Variants in NEK2 observed in about 807,000 individuals in gnomAD.
The protein encoded by NEK2 is serine/threonine-protein kinase Nek2.
NEK2 carries 28 observed loss-of-function variants against 54.1 expected under a neutral mutation model. The ratio of observed to expected loss-of-function variants is 0.52; its 90% confidence interval spans 0.38 to 0.71. The LOEUF is 0.71. NEK2 is among the 30% of genes least tolerant of loss of function. The pLI, the probability that NEK2 is intolerant of heterozygous loss-of-function variation, is 0.00. For missense variants in NEK2, 407 were observed against 531.5 expected (o/e 0.77, Z 2.30); for synonymous variants, 176 against 193.1 (o/e 0.91, Z 0.73).
At position 211,670,437 on chromosome 1, in the gene NEK2, G is replaced by A. The variant is rs201343116; in HGVS notation, c.639-30C>T. 647 of 1,588,588 alleles carry A rather than the reference G, an allele frequency of 4.1e-4. 6 individuals carry two copies. Among genetic ancestry groups the A allele is most frequent in the Non-Finnish European group, 9.6e-5 (112 of 1,170,498 alleles). ...GGTTAAAAAAGAAGAAGAAGACGAC[G>A]AAGACATTTTCAAATTGTAAAAATG... On this transcript the variant is annotated intron_variant, in intron 4 of 7. Transcript: ENST00000366999.
rs144369537 is a variant in NEK2, at chr1:211,670,134, T to G, written c.765+147A>C. 6.3e-6 allele frequency: 5 copies of G among 792,982 alleles called. No homozygotes were observed. In the African/African-American group the frequency reaches 7.1e-5, roughly 11 times the overall value. 49.1% of individuals were successfully genotyped at this position (792,982 alleles called of 1,614,324 possible). On this transcript the variant is annotated intron_variant, in intron 5 of 7. Transcript: ENST00000366999. ...ATGTGCAATTTGCCAAATTTACATA[T>G]GTTTTCACTTGTGTTAACACAGTAA...
At chr1:211,667,552 A>G (rs898448298) in intron 6 of NEK2, among the ~76,000 whole-genome samples, 17 of 152,346 alleles carry the variant, frequency 1.1e-4, no homozygotes, top group African/African-American at 3.8e-4. Flanking sequence ...TCTTCACTGA[A>G]GATAAGCAAC....
Position 211,670,367 on chromosome 1 carries a change from T to C in NEK2, c.679A>G (p.Lys227Glu). Residue 227 changes from lysine (K) to glutamate (E), a missense_variant, in exon 5 of 8, where the codon AAA (lysine) becomes GAA (glutamate). By Grantham distance (56) the Lys-to-Glu change is moderately conservative. Transcript: ENST00000366999. ...TAFSQKELAG[K>E]IREGKFRRIP... is the part of the protein sequence containing the mutation. ...CGCCTGAATTTGCCTTCTCTGATTT[T>C]CCCAGCGAGTTCTTTCTGGCTAAAA... 6.2e-7 allele frequency: 1 copy of C among 1,613,920 alleles called. No individual in the cohort carries two copies.
rs575552718 is a variant in NEK2, at chr1:211,662,840, C to G, written c.*586G>C. ...AGGTAAATGACAGACAGCTCATATT[C>G]TGTTAAACAGAAAAAAAAAAAGAAT... On this transcript the variant is annotated 3_prime_UTR_variant, in exon 8 of 8. Coordinates refer to ENST00000366999, the MANE Select transcript of NEK2 (RefSeq NM_002497.4). The surrounding 1 kb of genome is among the most constrained non-coding windows in gnomAD (Gnocchi z 4.2). 4.1e-6 allele frequency: 4 copies of G among 964,504 alleles called. No homozygotes were observed. Among genetic ancestry groups the G allele is most frequent in the Admixed American group, 1.4e-4 (2 of 14,754 alleles). The allele number at this position is 964,504 out of a possible 1,614,324, so 59.7% of individuals were successfully genotyped here.
At chr1:211,672,127 A>G (rs1235835712) in intron 3 of NEK2, among the ~76,000 whole-genome samples, 2 of 152,230 alleles carry the variant, frequency 1.3e-5, no homozygotes, top group African/African-American at 2.4e-5. Context: ...ATAATTTATA[A>G]ATATTTGGAA....
downstream of NEK2, chr1:211,660,807 C>T (rs1655001711): frequency 1.4e-6 from 1 of 701,872 alleles, no homozygotes; most frequent in East Asian, 3.0e-5. Flanking sequence ...AATAGGGCTG[C>T]TCCCAACAAC....
chr1:211,670,256 C>T, intron 5 of NEK2, 25 bp downstream of exon 5: 1 of 1,595,156 alleles, frequency 6.3e-7, no homozygotes. Context: ...TAGAAACAGA[C>T]AATATATCAT....
chr1:211,674,623 A>C (rs1655518711), intron 1 of NEK2, 110 bp from the exon 2 acceptor site: 1 of 780,852 alleles, frequency 1.3e-6, no homozygotes, highest in Non-Finnish European at 2.0e-6. Context: ...CCTACAATCA[A>C]GGTCATTATC....
rs145824824 is a variant in NEK2 at position 211,673,400 on chromosome 1, C to A, written c.555+83G>T. On this transcript the variant is annotated intron_variant, in intron 3 of 7. Transcript: ENST00000366999. ...CTGCACTCCAGCCTGGGCAACAGAG[C>A]GAGACTCTGTCTCAAAAACAAACAA... 1.4e-3 allele frequency: 2,146 copies of A among 1,525,998 alleles called. 31 individuals are homozygous for A. The African/African-American group carries it at 0.026, about 18-fold the overall frequency. 94.5% of individuals were successfully genotyped at this position (1,525,998 alleles called of 1,614,324 possible).
rs752018092 is a variant in NEK2 at position 211,669,339 on chromosome 1, A to G, written c.766-7T>C. 9.3e-6 allele frequency: 15 copies of G among 1,610,496 alleles called. No individual in the cohort carries two copies. The highest frequency in any genetic ancestry group is 1.1e-5 in the Non-Finnish European group (13 of 1,176,968). On this transcript the variant is annotated splice_polypyrimidine_tract_variant and splice_region_variant and intron_variant, in intron 5 of 7. Coordinates refer to ENST00000366999, the MANE Select transcript of NEK2 (RefSeq NM_002497.4). ...CAGAAGGTCGATGGTAATCCTGGGG[A>G]AAAAATACTCAGTATTATAGTCAGA... is the stretch of plus-strand genomic sequence containing the variant.
At chr1:211,660,386 C>T (rs1205906165), downstream of NEK2, 3 of 639,778 alleles carry the variant, frequency 4.7e-6, no homozygotes, top group East Asian at 3.5e-5. Flanking sequence ...TCCTTCTGCC[C>T]CTAATTCTCC....
At chr1:211,660,521 A>C (rs1180688239), downstream of NEK2, 2 of 646,808 alleles carry the variant, frequency 3.1e-6, no homozygotes, top group Non-Finnish European at 6.0e-6. Context: ...AAGAGGTCAA[A>C]GTGATCATCC....
intron 4 of NEK2, among the ~76,000 whole-genome samples, chr1:211,670,910 C>T (rs1655358396): frequency 6.6e-6 from 1 of 152,214 alleles, no homozygotes; most frequent in South Asian, 2.1e-4. Context: ...AGTAGCTTTA[C>T]CTTACCTGCC....
In NEK2 at chr1:211,667,184, G is replaced by C; in HGVS notation, c.1033C>G (p.Leu345Val). The change falls in exon 7 of 8, where the codon CTG becomes GTG. Residue 345 changes from leucine (L) to valine (V), a missense_variant. Transcript: ENST00000366999. Reference protein sequence around the residue: ...CVRERLAEDKLARAENLLKNY... With the variant: ...CVRERLAEDKVARAENLLKNY... ...TTCAACAGATTTTCTGCTCTAGCCA[G>C]TTTGTCCTCTGCTAGTCTCTCACGA... 1 of 1,613,350 alleles carries C rather than the reference G, an allele frequency of 6.2e-7. No homozygotes were observed. Among genetic ancestry groups the C allele is most frequent in the African/African-American group, 1.3e-5 (1 of 75,006 alleles).
At chr1:211,675,239 G>C in intron 1 of NEK2, 145 bp downstream of exon 1, 1 of 718,258 alleles carries the variant, frequency 1.4e-6, no homozygotes, top group Non-Finnish European at 2.5e-6. Context: ...AGGACAGGCT[G>C]TCAGATGCAG....
At chr1:211,663,683 G>C (rs776345707) in intron 7 of NEK2, 31 bp from the exon 8 acceptor site, 1 of 1,600,144 alleles carries the variant, frequency 6.2e-7, no homozygotes, top group South Asian at 1.1e-5. Context: ...AGGGCTCTGA[G>C]TTACTTGAAC....
intron 5 of NEK2, 139 bp downstream of exon 5, chr1:211,670,142 C>G (rs969931047): frequency 1.1e-6 from 1 of 869,818 alleles, no homozygotes; most frequent in Non-Finnish European, 1.6e-6. Flanking sequence ...TATGTTTTCA[C>G]TTGTGTTAAC....
Position 211,670,375 on chromosome 1 carries a change from A to T in NEK2, c.671T>A (p.Leu224His). 6.2e-7 allele frequency: 1 copy of T among 1,613,848 alleles called. No individual in the cohort carries two copies. The highest frequency in any genetic ancestry group is 8.5e-7 in the Non-Finnish European group (1 of 1,179,814). Residue 224 changes from leucine (L) to histidine (H), a missense_variant, in exon 5 of 8, where the codon CTC becomes CAC. By Grantham distance (99) the Leu-to-His change is moderately conservative. Coordinates refer to ENST00000366999, the MANE Select transcript of NEK2 (RefSeq NM_002497.4). ...TTTGCCTTCTCTGATTTTCCCAGCGAGTTCTTTCTGGCTAAAAGCTGTAAA... is the reference window on the plus strand; with the variant it reads ...TTTGCCTTCTCTGATTTTCCCAGCGTGTTCTTTCTGGCTAAAAGCTGTAAA... Reference protein sequence around the residue: ...PPFTAFSQKELAGKIREGKFR... With the variant: ...PPFTAFSQKEHAGKIREGKFR...
downstream of NEK2, chr1:211,661,214 T>C (rs1456518808): frequency 2.8e-6 from 2 of 718,294 alleles, no homozygotes; most frequent in Non-Finnish European, 5.2e-6. Flanking sequence ...AATCCTGTTT[T>C]TCTTGGGCAT....
Sources: allele counts gnomAD v4.1 joint callset (sites outside exome capture counted in the v4.1 genomes callset), GRCh38; gene constraint gnomAD v4.1.1; non-coding constraint Gnocchi (gnomAD v3.1); transcripts MANE v1.5; gene names NCBI Gene and HGNC (gene_info 2026-07-23, HGNC 2026-07-21).